The following PLEKHJ1 variants were observed in gnomAD, a reference collection of about 807,000 sequenced individuals.
The protein encoded by PLEKHJ1 is pleckstrin homology domain-containing family J member 1.
In PLEKHJ1, 20 loss-of-function variants were observed where a neutral mutation model predicts 21.7. The observed-to-expected ratio is 0.92, with a 90% CI of 0.65 to 1.34. The LOEUF (loss-of-function observed/expected upper bound fraction) is 1.34. PLEKHJ1 is among the 40% of genes most tolerant of loss of function. PLEKHJ1 has a pLI of 0.00. For missense variants in PLEKHJ1, 241 were observed against 202.0 expected, an observed-to-expected ratio of 1.19 and a Z score of -1.17; for synonymous variants, 113 against 80.6, an observed-to-expected ratio of 1.40 and a Z score of -2.15.
In PLEKHJ1 at chr19:2,234,061, G is replaced by A; in HGVS notation, c.321C>T (p.Ser107=). The A allele has an allele frequency of 1.2e-6, 2 of 1,613,536 alleles. No individual in the cohort carries two copies. Among genetic ancestry groups the A allele is most frequent in the Non-Finnish European group, 1.7e-6 (2 of 1,180,030 alleles). ...QEWMEALRRA[S]YEFMRRSLIF... is the part of the protein sequence containing the mutation. ...TGAGGCTTCTCCGCATGAACTCGTA[G>A]CTGGGGAAAAGGGTGGCACGGGGTC... Residue 107 remains serine, a splice_region_variant and synonymous_variant, in exon 5 of 6, where the codon AGC becomes AGT. Transcript: ENST00000326631.
downstream of PLEKHJ1, chr19:2,230,030 CTT>C (rs150147737): frequency 0.04 from 26,756 of 663,302 alleles, 685 homozygotes; most frequent in Non-Finnish European, 0.051. Flanking sequence ...ACAATTCTGA[CTT>C]ATTTTATTCC....
downstream of PLEKHJ1, chr19:2,232,502 G>A (rs566431814): frequency 5.0e-4 from 111 of 221,232 alleles, no homozygotes; most frequent in Non-Finnish European, 8.5e-4. Flanking sequence ...GGCTGCAGGC[G>A]CCCCTTCCTC....
At chr19:2,234,109 C>T in intron 4 of PLEKHJ1, 41 bp downstream of exon 4, 1 of 1,612,328 alleles carries the variant, frequency 6.2e-7, no homozygotes, top group Non-Finnish European at 8.5e-7. Context: ...TGCATGGCTG[C>T]TGTGCCCACC....
chr19:2,232,840 G>A (rs540539462), downstream of PLEKHJ1, among the ~76,000 whole-genome samples: 10 of 152,274 alleles, frequency 6.6e-5, no homozygotes, highest in South Asian at 2.1e-4. Context: ...CCAGATCTGC[G>A]ACCCCAATGA....
Position 2,233,994 on chromosome 19 carries a change from A to C in PLEKHJ1, c.384+4T>G, listed in dbSNP as rs1208128192. 6.8e-6 allele frequency: 11 copies of C among 1,612,852 alleles called. No individual in the cohort carries two copies. The highest frequency in any genetic ancestry group is 1.3e-5 in the African/African-American group (1 of 74,890). On this transcript the variant is annotated splice_donor_region_variant and intron_variant, in intron 5 of 5. Coordinates refer to ENST00000326631, the MANE Select transcript of PLEKHJ1 (RefSeq NM_018049.3). ...ACCCCGGCCCTCTGCAGCCCTGCAC[A>C]CACCTTGCCCGTCACCTTCCGGATT...
chr19:2,234,426 T>G (rs931970934), intron 3 of PLEKHJ1, 186 bp from the exon 4 acceptor site: 4 of 570,818 alleles, frequency 7.0e-6, no homozygotes, highest in Admixed American at 3.1e-5. Context: ...AAAATGAGGT[T>G]GTCGCCAGGT....
rs2024787524 is a variant in PLEKHJ1, at chr19:2,235,750, A to G, written c.229+12T>C. 1 of 1,547,494 alleles carries G rather than the reference A, an allele frequency of 6.5e-7. No individual in the cohort carries two copies. The highest frequency in any genetic ancestry group is 8.7e-7 in the Non-Finnish European group (1 of 1,145,842). On this transcript the variant is annotated intron_variant, in intron 3 of 5. Transcript: ENST00000326631. ...TGCGGGAAGCGCCGCTGGCTTCCCT[A>G]GCCCCACTCACTGATGGAGAAGGTG...
In PLEKHJ1 at chr19:2,233,756, A is replaced by G; in HGVS notation, c.*84T>C. On this transcript the variant is annotated 3_prime_UTR_variant, in exon 6 of 6. Coordinates refer to ENST00000326631, the MANE Select transcript of PLEKHJ1 (RefSeq NM_018049.3). Reference sequence around the variant, plus strand: ...GACCCAAAAACCAAAAACCAAAACAAAACAGATCCAGGCATGGCCAAGCGA... The same window carrying G: ...GACCCAAAAACCAAAAACCAAAACAGAACAGATCCAGGCATGGCCAAGCGA... 1 of 1,368,936 alleles carries G rather than the reference A, an allele frequency of 7.3e-7. No homozygotes were observed. The highest frequency in any genetic ancestry group is 1.3e-5 in the South Asian group (1 of 78,800). 84.8% of individuals were successfully genotyped at this position (1,368,936 alleles called of 1,614,324 possible).
At chr19:2,229,981 GT>G, downstream of PLEKHJ1, 1 of 808,834 alleles carries the variant, frequency 1.2e-6, no homozygotes, top group Non-Finnish European at 1.9e-6. Flanking sequence ...ACTGTCGATA[GT>G]TTTAGATAAA....
At chr19:2,234,339 T>C in intron 3 of PLEKHJ1, 99 bp from the exon 4 acceptor site, 2 of 852,488 alleles carry the variant, frequency 2.3e-6, no homozygotes, top group Non-Finnish European at 3.8e-6. Context: ...CCCACAAAGA[T>C]GTGTTCATGT....
rs758408446 is a variant in PLEKHJ1 at position 2,234,250 on chromosome 19, G to C, written c.230-10C>G. ...GGGTCCTCAATGAAGCCTGGGGATG[G>C]AACACCTGTGGTCGGTCCTACCCAC... On this transcript the variant is annotated splice_polypyrimidine_tract_variant and intron_variant, in intron 3 of 5. Coordinates refer to ENST00000326631, the MANE Select transcript of PLEKHJ1 (RefSeq NM_018049.3). 2 of 1,606,934 alleles carry C rather than the reference G, an allele frequency of 1.2e-6. No individual in the cohort carries two copies. Among genetic ancestry groups the C allele is most frequent in the African/African-American group, 1.3e-5 (1 of 74,794 alleles).
chr19:2,230,250 G>C (rs772443187), downstream of PLEKHJ1: 4 of 417,138 alleles, frequency 9.6e-6, no homozygotes, highest in South Asian at 3.5e-4. Flanking sequence ...CGGAAACGCC[G>C]CCCGGCCGGC....
At chr19:2,233,955 C>A in intron 5 of PLEKHJ1, 43 bp downstream of exon 5, 1 of 1,611,426 alleles carries the variant, frequency 6.2e-7, no homozygotes. Flanking sequence ...ACTGCCTCTG[C>A]CACCTGCAGC....
Position 2,234,234 on chromosome 19 carries a change from A to G in PLEKHJ1, c.236T>C (p.Ile79Thr), listed in dbSNP as rs765330321. 1.9e-6 allele frequency: 3 copies of G among 1,611,892 alleles called. No homozygotes were observed. The highest frequency in any genetic ancestry group is 1.3e-5 in the African/African-American group (1 of 74,878). Residue 79 changes from isoleucine (I) to threonine (T), a missense_variant, in exon 4 of 6, where the codon ATT becomes ACT. By Grantham distance (89) the Ile-to-Thr change is moderately conservative. Coordinates refer to ENST00000326631, the MANE Select transcript of PLEKHJ1 (RefSeq NM_018049.3). Reference protein sequence around the residue: ...EEPGTFSISFIEDPERKYHFE... With the variant: ...EEPGTFSISFTEDPERKYHFE... ...GTGATACTTCCTCTCAGGGTCCTCA[A>G]TGAAGCCTGGGGATGGAACACCTGT... is the stretch of plus-strand genomic sequence containing the variant.
At chr19:2,230,639 A>C, downstream of PLEKHJ1, 1 of 398,554 alleles carries the variant, frequency 2.5e-6, no homozygotes, top group Non-Finnish European at 4.4e-6. Flanking sequence ...CACACTAATG[A>C]GTGGCAGTAT....
chr19:2,234,191 C>T lies in PLEKHJ1; in HGVS notation c.279G>A (p.Glu93=). 6.2e-7 allele frequency: 1 copy of T among 1,613,170 alleles called. No individual in the cohort carries two copies. Among genetic ancestry groups the T allele is most frequent in the South Asian group, 1.1e-5 (1 of 91,088 alleles). The change falls in exon 4 of 6, where the codon GAG becomes GAA. Residue 93 remains glutamate, a synonymous_variant. Transcript: ENST00000326631. ...ERKYHFECSS[E]EQCQEWMEAL... ...CCTCCATCCACTCCTGACACTGCTC[C>T]TCGCTGCTGCACTCAAAGTGATACT...
chr19:2,230,581 G>C (rs138828181), downstream of PLEKHJ1: 4 of 398,586 alleles, frequency 1.0e-5, no homozygotes, highest in Non-Finnish European at 1.8e-5. Flanking sequence ...CCTGCGATGC[G>C]GGGCAGGCCT....
At position 2,233,720 on chromosome 19, in the gene PLEKHJ1, A is replaced by T. The variant is rs1817656867; in HGVS notation, c.*120T>A. On this transcript the variant is annotated 3_prime_UTR_variant, in exon 6 of 6. Coordinates refer to ENST00000326631, the MANE Select transcript of PLEKHJ1 (RefSeq NM_018049.3). The stretch of plus-strand genomic sequence containing the variant: ...CACTGCACTCTAGCCTGGGCAACAC[A>T]GTGAAACCCTGACCCAAAAACCAAA... 6 of 877,380 alleles carry T rather than the reference A, an allele frequency of 6.8e-6. No homozygotes were observed. Among genetic ancestry groups the T allele is most frequent in the Non-Finnish European group, 3.5e-6 (2 of 567,792 alleles). The allele number at this position is 877,380 out of a possible 1,614,324, so 54.3% of individuals were successfully genotyped here.
chr19:2,230,094 G>A (rs2024533116), downstream of PLEKHJ1: 2 of 578,874 alleles, frequency 3.5e-6, no homozygotes, highest in Non-Finnish European at 6.0e-6. Context: ...CTATATATGA[G>A]AGCTCTATAT....
Sources: gnomAD v4.1 joint callset for allele counts (sites outside exome capture counted in the v4.1 genomes callset) on GRCh38, gnomAD v4.1.1 for gene constraint, MANE v1.5 for transcripts, NCBI Gene and HGNC (gene_info 2026-07-23, HGNC 2026-07-21) for gene names.